The following LONP2 variants were observed in gnomAD, a reference collection of about 807,000 sequenced individuals.
The protein encoded by LONP2 is lon peptidase 2, peroxisomal, also known as lon protease homolog 2, peroxisomal.
LONP2 carries 60 observed loss-of-function variants against 85.6 expected under a neutral mutation model. The observed-to-expected ratio is 0.70, with a 90% confidence interval of 0.57 to 0.87. The LOEUF (loss-of-function observed/expected upper bound fraction) is 0.87. LONP2 is among the 40% of genes least tolerant of loss of function. The probability of loss-of-function intolerance (pLI) is 0.00; values close to 1 mark genes in which losing one functional copy is unlikely to be tolerated. For synonymous variants in LONP2, 395 were observed against 389.7 expected (o/e 1.01, Z -0.16); for missense variants, 860 against 1,063.5 (o/e 0.81, Z 2.66).
chr16:48,317,458 G>A (rs1973169663), intron 11 of LONP2, among the ~76,000 whole-genome samples: 1 of 152,120 alleles, frequency 6.6e-6, no homozygotes, highest in African/African-American at 2.4e-5. Flanking sequence ...AAAGAAAAGA[G>A]GGGGAAAAAA....
chr16:48,323,382 C>T (rs766217347), intron 11 of LONP2, among the ~76,000 whole-genome samples: 5 of 152,042 alleles, frequency 3.3e-5, no homozygotes, highest in South Asian at 2.1e-4. Flanking sequence ...TGGCCAGGTC[C>T]GTTGGCTCAT....
At chr16:48,246,400 C>G (rs1971388399) in intron 1 of LONP2, among the ~76,000 whole-genome samples, 1 of 152,206 alleles carries the variant, frequency 6.6e-6, no homozygotes, top group African/African-American at 2.4e-5. Flanking sequence ...ACACTTAGTT[C>G]CCTGTCTAGG....
intron 2 of LONP2, among the ~76,000 whole-genome samples, chr16:48,254,899 G>T (rs1041511448): frequency 6.6e-6 from 1 of 152,082 alleles, no homozygotes; most frequent in Non-Finnish European, 1.5e-5. Flanking sequence ...TTTTATTTTC[G>T]TGGGGTGAAT....
intron 9 of LONP2, among the ~76,000 whole-genome samples, chr16:48,296,722 C>CA (rs911933648): frequency 0.029 from 1,669 of 58,548 alleles, 19 homozygotes; most frequent in African/African-American, 0.05. Context: ...AACTCCATTT[C>CA]AAAAAAAAAA....
intron 11 of LONP2, among the ~76,000 whole-genome samples, chr16:48,326,617 C>A (rs962142560): frequency 6.6e-6 from 1 of 152,152 alleles, no homozygotes; most frequent in African/African-American, 2.4e-5. Flanking sequence ...GGGTGTTGCG[C>A]TTTTTATGTT....
downstream of LONP2, chr16:48,361,961 T>C: frequency 6.2e-7 from 1 of 1,614,216 alleles, no homozygotes; most frequent in South Asian, 1.1e-5. Flanking sequence ...CCTGTAGGGT[T>C]GTAATGGACT....
chr16:48,257,614 A>G (rs2150966576), intron 3 of LONP2, among the ~76,000 whole-genome samples: 1 of 152,354 alleles, frequency 6.6e-6, no homozygotes, highest in South Asian at 2.1e-4. Flanking sequence ...TTTTTAAGAT[A>G]TTTTTAAAGC....
At chr16:48,282,240 C>T (rs930626062) in intron 8 of LONP2, among the ~76,000 whole-genome samples, 45 of 152,004 alleles carry the variant, frequency 3.0e-4, no homozygotes, top group African/African-American at 8.2e-4. Flanking sequence ...GAAACCCTGT[C>T]TCTACTAAAA....
At chr16:48,348,958 A>G (rs1960058422) in intron 14 of LONP2, among the ~76,000 whole-genome samples, 1 of 152,188 alleles carries the variant, frequency 6.6e-6, no homozygotes, top group South Asian at 2.1e-4. Context: ...CTTTAAGCCC[A>G]TTTCTTAAAT....
chr16:48,259,347 A>G (rs1219799133), intron 4 of LONP2, among the ~76,000 whole-genome samples: 1 of 152,210 alleles, frequency 6.6e-6, no homozygotes, highest in Non-Finnish European at 1.5e-5. Flanking sequence ...GTTTGACTCA[A>G]CACCACTAAT....
intron 9 of LONP2, 65 bp downstream of exon 9, chr16:48,296,230 T>C (rs1972667792): frequency 1.3e-6 from 2 of 1,530,968 alleles, no homozygotes; most frequent in Non-Finnish European, 1.8e-6. Flanking sequence ...AAATTAGTTA[T>C]GCTATGGAGT....
chr16:48,262,840 T>C lies in LONP2; in HGVS notation c.950T>C (p.Met317Thr). 4 of 1,611,646 alleles carry C rather than the reference T, an allele frequency of 2.5e-6. No homozygotes were observed. Among genetic ancestry groups the C allele is most frequent in the Middle Eastern group, 1.7e-4 (1 of 6,050 alleles). The change falls in exon 6 of 15, where the codon ATG becomes ACG. Residue 317 changes from methionine (M) to threonine (T), a missense_variant. Physicochemically the swap from Met to Thr is moderately conservative, Grantham distance 81. This residue lies in a region of LONP2 where 743 missense variants were observed against 917.3 expected (regional missense o/e 0.81). Coordinates refer to ENST00000285737, the MANE Select transcript of LONP2 (RefSeq NM_031490.5). ...CTGACTAGAAATTATTTGGAACTTATGGTAGAACTTCCTTGGAACAAAAGT... is the reference window on the plus strand; with the variant it reads ...CTGACTAGAAATTATTTGGAACTTACGGTAGAACTTCCTTGGAACAAAAGT... ...YALTRNYLEL[M>T]VELPWNKSTT... is the part of the protein sequence containing the mutation.
At chr16:48,280,362 A>C (rs1972300428) in intron 8 of LONP2, among the ~76,000 whole-genome samples, 1 of 152,226 alleles carries the variant, frequency 6.6e-6, no homozygotes, top group Admixed American at 6.5e-5. Context: ...CAAGTTCACC[A>C]AAGACAGCTT....
intron 2 of LONP2, among the ~76,000 whole-genome samples, chr16:48,256,070 T>G (rs1350977941): frequency 1.3e-5 from 2 of 152,230 alleles, no homozygotes; most frequent in Admixed American, 6.5e-5. Context: ...GTTTATATTG[T>G]GATTATGTAA....
intron 7 of LONP2, among the ~76,000 whole-genome samples, chr16:48,273,617 A>G (rs1192789102): frequency 6.6e-6 from 1 of 152,156 alleles, no homozygotes; most frequent in African/African-American, 2.4e-5. Context: ...ATTCCCTTCT[A>G]TCAGTTTTAA....
intron 1 of LONP2, among the ~76,000 whole-genome samples, chr16:48,248,788 C>T (rs938561962): frequency 3.3e-5 from 5 of 149,488 alleles, no homozygotes; most frequent in African/African-American, 9.9e-5. Flanking sequence ...GATGCTGAGG[C>T]GGAGGATTAC....
At chr16:48,347,446 T>C in intron 12 of LONP2, 61 bp from the exon 13 acceptor site, 1 of 1,528,614 alleles carries the variant, frequency 6.5e-7, no homozygotes, top group South Asian at 1.1e-5. Context: ...TGCAGGATTG[T>C]GTGGTATCAG....
At chr16:48,293,547 A>G (rs1454393523) in intron 8 of LONP2, among the ~76,000 whole-genome samples, 1 of 152,150 alleles carries the variant, frequency 6.6e-6, no homozygotes, top group Non-Finnish European at 1.5e-5. Context: ...AAACACTGCA[A>G]TGGGGTTTTG....
intron 1 of LONP2, among the ~76,000 whole-genome samples, chr16:48,248,401 T>C (rs1300758894): frequency 2.0e-5 from 3 of 151,512 alleles, no homozygotes; most frequent in Non-Finnish European, 4.4e-5. Flanking sequence ...GCTGGGATTA[T>C]AGGTGTGAGC....
Sources: allele counts gnomAD v4.1 joint callset (sites outside exome capture counted in the v4.1 genomes callset), GRCh38; gene constraint gnomAD v4.1.1; regional missense constraint gnomAD v4.1.1; transcripts MANE v1.5; gene names NCBI Gene and HGNC (gene_info 2026-07-23, HGNC 2026-07-21).